Variants in SH2D4A observed in about 807,000 individuals in gnomAD.
The protein encoded by SH2D4A is SH2 domain containing 4A.
A neutral mutation model predicts 64.7 loss-of-function variants in SH2D4A; 70 were observed. That is an observed-to-expected ratio of 1.08 (90% confidence interval 0.89 to 1.32). The LOEUF (loss-of-function observed/expected upper bound fraction) is 1.32, where lower values mean the gene tolerates loss of function less well. Ranked by LOEUF, SH2D4A falls within the 40% of genes most tolerant of loss-of-function variation. The probability of loss-of-function intolerance (pLI) is 0.00; values close to 1 mark genes in which losing one functional copy is unlikely to be tolerated. For synonymous variants in SH2D4A, 268 were observed against 200.7 expected (o/e 1.34, Z -2.83); for missense variants, 706 against 540.1 (o/e 1.31, Z -3.04).
At chr8:19,319,825 G>A in intron 2 of SH2D4A, 97 bp downstream of exon 2, 1 of 1,312,170 alleles carries the variant, frequency 7.6e-7, no homozygotes, top group Non-Finnish European at 1.0e-6. Flanking sequence ...GCAGGTGCAA[G>A]TTCCAGTTTG....
chr8:19,376,263 C>G (rs1421910449), intron 8 of SH2D4A, among the ~76,000 whole-genome samples: 1 of 152,182 alleles, frequency 6.6e-6, no homozygotes, highest in African/African-American at 2.4e-5. Flanking sequence ...AGGCCTTCAA[C>G]TGACTGGACG....
At chr8:19,369,565 T>C (rs1439752074) in intron 7 of SH2D4A, among the ~76,000 whole-genome samples, 2 of 152,016 alleles carry the variant, frequency 1.3e-5, no homozygotes, top group East Asian at 1.9e-4. Flanking sequence ...TTTTGGTAGG[T>C]TGTATGTGTC....
intron 2 of SH2D4A, among the ~76,000 whole-genome samples, chr8:19,323,924 A>T (rs1421042721): frequency 6.6e-6 from 1 of 152,186 alleles, no homozygotes; most frequent in African/African-American, 2.4e-5. Context: ...TAACTTGGCC[A>T]GGGCAAACAG....
At chr8:19,350,421 C>G (rs759787380) in intron 4 of SH2D4A, among the ~76,000 whole-genome samples, 4 of 152,176 alleles carry the variant, frequency 2.6e-5, no homozygotes, top group Non-Finnish European at 5.9e-5. Context: ...GTTCTGTGCT[C>G]TAACGTGCTC....
intron 8 of SH2D4A, among the ~76,000 whole-genome samples, chr8:19,377,438 C>T (rs1017762650): frequency 4.6e-5 from 7 of 152,162 alleles, no homozygotes; most frequent in Non-Finnish European, 8.8e-5. Flanking sequence ...TCTTTTTAAT[C>T]CCATTTCCTT....
Position 19,364,128 on chromosome 8 carries a change from G to A in SH2D4A, c.763G>A (p.Glu255Lys). 1 of 1,614,100 alleles carries A rather than the reference G, an allele frequency of 6.2e-7. No homozygotes were observed. The highest frequency in any genetic ancestry group is 8.5e-7 in the Non-Finnish European group (1 of 1,180,004). Residue 255 changes from glutamate (E) to lysine (K), a missense_variant, in exon 7 of 10, where the codon GAA becomes AAA. Transcript: ENST00000265807. Reference protein sequence around the residue: ...KRRSLAKQAREDYKRLSLGAQ... With the variant: ...KRRSLAKQARKDYKRLSLGAQ... The stretch of plus-strand genomic sequence containing the variant: ...ACGCTCCTTGGCTAAACAAGCACGA[G>A]AAGACTACAAGAGGTTATCCCTCGG...
At chr8:19,334,898 G>A (rs1031447748) in intron 4 of SH2D4A, 41 bp downstream of exon 4, 1 of 1,550,408 alleles carries the variant, frequency 6.4e-7, no homozygotes, top group East Asian at 2.3e-5. Flanking sequence ...ATTTCATCAT[G>A]GGGGAGAAAA....
At chr8:19,379,621 A>ATGTTTTCCATAGTGG (rs2053256802) in intron 8 of SH2D4A, among the ~76,000 whole-genome samples, 1 of 152,232 alleles carries the variant, frequency 6.6e-6, no homozygotes. Context: ...GCTATGCTAT[A>ATGTTTTCCATAGTGG]CTATTTTACC....
intron 1 of SH2D4A, among the ~76,000 whole-genome samples, chr8:19,318,734 G>A (rs1457049978): frequency 2.0e-5 from 3 of 152,186 alleles, no homozygotes; most frequent in African/African-American, 7.2e-5. Flanking sequence ...CATGGCTCTA[G>A]TAGGTTATCT....
chr8:19,314,493 C>T (rs917883953), intron 1 of SH2D4A, among the ~76,000 whole-genome samples: 2 of 152,180 alleles, frequency 1.3e-5, no homozygotes, highest in South Asian at 2.1e-4. Context: ...CCAGTGCGCT[C>T]AGCCAAGCGG....
chr8:19,349,359 A>T (rs2052661823), intron 4 of SH2D4A, among the ~76,000 whole-genome samples: 1 of 152,228 alleles, frequency 6.6e-6, no homozygotes, highest in Non-Finnish European at 1.5e-5. Context: ...AAATTCACTT[A>T]AGCTGTTGTG....
intron 4 of SH2D4A, among the ~76,000 whole-genome samples, chr8:19,348,570 T>C (rs1273319921): frequency 6.6e-6 from 1 of 152,180 alleles, no homozygotes; most frequent in Admixed American, 6.5e-5. Context: ...TCTGTAAAAC[T>C]GGACTTCAGT....
Position 19,357,188 on chromosome 8 carries a change from T to C in SH2D4A, c.514-15T>C, listed in dbSNP as rs1424673378. 2.5e-6 allele frequency: 4 copies of C among 1,597,826 alleles called. No homozygotes were observed. Among genetic ancestry groups the C allele is most frequent in the Non-Finnish European group, 3.4e-6 (4 of 1,165,356 alleles). The stretch of plus-strand genomic sequence containing the variant: ...CAGCTCCAAATGCCATAAATGTGTT[T>C]CGTTTAATTTTTAGTCACTCTCCAG... On this transcript the variant is annotated splice_polypyrimidine_tract_variant and intron_variant, in intron 4 of 9. Coordinates refer to ENST00000265807, the MANE Select transcript of SH2D4A (RefSeq NM_022071.4).
At chr8:19,393,817 A>T (rs2053540489) in intron 9 of SH2D4A, among the ~76,000 whole-genome samples, 1 of 152,220 alleles carries the variant, frequency 6.6e-6, no homozygotes, top group African/African-American at 2.4e-5. Flanking sequence ...ACCCACATGG[A>T]TCACATATGA....
In SH2D4A at chr8:19,339,607, C is replaced by T. The variant is rs541100718; in HGVS notation, c.513+4750C>T. 4.7e-5 allele frequency among the ~76,000 whole-genome samples: 7 copies of T among 149,558 alleles called. No individual in the cohort carries two copies. The East Asian group carries it at 1.2e-3, about 27-fold the overall frequency. ...CTTGAACTCCTGGGCTCAAGCAATA[C>T]TCCTGTCCCAGCCTCTCTAGTAGCT... On this transcript the variant is annotated intron_variant, in intron 4 of 9. Transcript: ENST00000265807.
intron 2 of SH2D4A, among the ~76,000 whole-genome samples, chr8:19,324,251 A>G (rs2052238072): frequency 6.6e-6 from 1 of 152,142 alleles, no homozygotes; most frequent in African/African-American, 2.4e-5. Flanking sequence ...GTTGATGGAA[A>G]CCTAATGCAA....
rs73599071 is a variant in SH2D4A at position 19,342,469 on chromosome 8, C to T, written c.513+7612C>T. On this transcript the variant is annotated intron_variant, in intron 4 of 9. Transcript: ENST00000265807. ...GGAGCTTGGATGCTATTTGGTGAAA[C>T]GGGCAGATTTGCCTTAGTGCTGGTC... Among the ~76,000 whole-genome samples, 867 of 152,314 alleles carry T rather than the reference C, an allele frequency of 5.7e-3. 2 individuals carry two copies. Among genetic ancestry groups the T allele is most frequent in the Non-Finnish European group, 6.9e-3 (469 of 68,022 alleles).
At chr8:19,318,382 A>G (rs1263616811) in intron 1 of SH2D4A, among the ~76,000 whole-genome samples, 1 of 150,084 alleles carries the variant, frequency 6.7e-6, no homozygotes, top group African/African-American at 2.5e-5. Context: ...TTAAAAATAG[A>G]GAGAGAAAGT....
chr8:19,393,634 C>G, intron 9 of SH2D4A, 93 bp downstream of exon 9: 1 of 1,265,528 alleles, frequency 7.9e-7, no homozygotes, highest in African/African-American at 1.5e-5. Flanking sequence ...AGGACTGAGA[C>G]AAGTACTGGG....
Sources: gnomAD v4.1 joint callset for allele counts (sites outside exome capture counted in the v4.1 genomes callset) on GRCh38, gnomAD v4.1.1 for gene constraint, MANE v1.5 for transcripts, NCBI Gene and HGNC (gene_info 2026-07-23, HGNC 2026-07-21) for gene names.